Variants in ZNF236 observed in about 807,000 individuals in gnomAD.
ZNF236 encodes zinc finger protein 236.
In ZNF236, 50 loss-of-function variants were observed where a neutral mutation model predicts 191.2. That is an observed-to-expected ratio of 0.26 (90% CI 0.21 to 0.33). ZNF236 has a LOEUF of 0.33. ZNF236 is among the 10% of genes least tolerant of loss of function. The pLI is 1.00. For synonymous variants in ZNF236, 907 were observed against 928.8 expected (o/e 0.98, Z 0.43); for missense variants, 1,754 against 2,374.5 (o/e 0.74, Z 5.43).
Position 76,928,078 on chromosome 18 carries a change from T to C in ZNF236, c.4566T>C (p.Ser1522=), listed in dbSNP as rs1369111670. The change falls in exon 25 of 31, where the codon TCT becomes TCC. Residue 1522 remains serine (S), a synonymous_variant. Transcript: ENST00000320610. ...CCACTGCCACGTCTTCCTCGGGGTC[T>C]CCACAGGAAATTACCCTGACTATCT... The part of the protein sequence containing the change: ...AGPTATSSSG[S]PQEITLTISE... The C allele has an allele frequency of 6.2e-6, 10 of 1,611,604 alleles. No individual in the cohort carries two copies. In the East Asian group the frequency reaches 6.7e-5, roughly 11 times the overall value.
rs371314273 is a variant in ZNF236, at chr18:76,947,588, A to G, written c.4850A>G (p.Gln1617Arg). ...LSGQGGAGSP[Q>R]VILVSHTPQS... ...GGCCAGGGTGGAGCAGGCTCGCCGCAAGTCATACTAGTGAGCCACACGCCA... is the reference window on the plus strand; with the variant it reads ...GGCCAGGGTGGAGCAGGCTCGCCGCGAGTCATACTAGTGAGCCACACGCCA... The change falls in exon 27 of 31, where the codon CAA becomes CGA. Residue 1617 changes from glutamine to arginine, a missense_variant. Around this residue, in one of 5 missense-constraint regions of ZNF236, gnomAD observed 606 missense variants for 761.5 expected, o/e 0.80. Coordinates refer to ENST00000320610, the MANE Select transcript of ZNF236 (RefSeq NM_001306089.2). 4.3e-6 allele frequency: 7 copies of G among 1,613,950 alleles called. No individual in the cohort carries two copies. Among genetic ancestry groups the G allele is most frequent in the Admixed American group, 3.3e-5 (2 of 59,992 alleles).
chr18:76,930,375 A>G (rs779130732), intron 25 of ZNF236, among the ~76,000 whole-genome samples: 6 of 152,236 alleles, frequency 3.9e-5, no homozygotes, highest in Non-Finnish European at 7.3e-5. Context: ...TTTTGACAGC[A>G]GAATGTTTAA....
intron 26 of ZNF236, among the ~76,000 whole-genome samples, chr18:76,941,038 C>T (rs769604433): frequency 2.6e-5 from 4 of 152,120 alleles, no homozygotes; most frequent in Non-Finnish European, 4.4e-5. Flanking sequence ...AGTTTCATCC[C>T]GAAACCATCT....
rs959499968 is a variant in ZNF236, at chr18:76,935,645, T to C, written c.4595-1511T>C. On this transcript the variant is annotated intron_variant, in intron 25 of 30. Transcript: ENST00000320610. ...ATGCATCTCTTCCCCGTCTTCCCTC[T>C]GTGCAAGCTCATTGGCAGCTGCCAC... Among the ~76,000 whole-genome samples, 19 of 152,256 alleles carry C rather than the reference T, an allele frequency of 1.2e-4. 1 individual carries two copies. Among genetic ancestry groups the C allele is most frequent in the African/African-American group, 4.6e-4 (19 of 41,476 alleles).
chr18:76,864,463 G>A (rs1480323465), intron 3 of ZNF236, among the ~76,000 whole-genome samples: 2 of 152,012 alleles, frequency 1.3e-5, no homozygotes, highest in East Asian at 1.9e-4. Context: ...GCCTCCCAAA[G>A]TTCTGGGATT....
Position 76,913,698 on chromosome 18 carries a change from A to G in ZNF236, c.2910-49A>G, listed in dbSNP as rs1440638057. ...TCCCTTTTCAGGTGCTGTATTTGTA[A>G]TTGTGCTATGAATTAACGTGGTCTG... On this transcript the variant is annotated intron_variant, in intron 17 of 30. Transcript: ENST00000320610. 3 of 1,588,198 alleles carry G rather than the reference A, an allele frequency of 1.9e-6. No individual in the cohort carries two copies. In the African/African-American group the frequency reaches 4.0e-5, roughly 21 times the overall value.
At chr18:76,931,752 A>G (rs1379590933) in intron 25 of ZNF236, among the ~76,000 whole-genome samples, 1 of 152,250 alleles carries the variant, frequency 6.6e-6, no homozygotes, top group Non-Finnish European at 1.5e-5. Flanking sequence ...AAATGAGCTC[A>G]TGTAAGATAA....
At chr18:76,944,926 A>T (rs1035602471) in intron 26 of ZNF236, among the ~76,000 whole-genome samples, 13 of 152,220 alleles carry the variant, frequency 8.5e-5, no homozygotes, top group Admixed American at 2.6e-4. Context: ...AATAGTACAG[A>T]GAGATTCCAC....
At chr18:76,957,545 C>T (rs749450879) in intron 28 of ZNF236, among the ~76,000 whole-genome samples, 1 of 152,128 alleles carries the variant, frequency 6.6e-6, no homozygotes, top group African/African-American at 2.4e-5. Flanking sequence ...ACTTTAGGTT[C>T]GGAGGTGCAT....
At chr18:76,843,905 C>T (rs1975596660) in intron 1 of ZNF236, among the ~76,000 whole-genome samples, 1 of 148,494 alleles carries the variant, frequency 6.7e-6, no homozygotes, top group Non-Finnish European at 1.5e-5. Flanking sequence ...AGGCTGGGTG[C>T]AGTGGTTCAC....
chr18:76,948,858 G>A (rs1968336140), intron 27 of ZNF236, among the ~76,000 whole-genome samples: 1 of 152,192 alleles, frequency 6.6e-6, no homozygotes, highest in Non-Finnish European at 1.5e-5. Flanking sequence ...GTCCCCAGAT[G>A]AAACAAAAAC....
intron 1 of ZNF236, among the ~76,000 whole-genome samples, chr18:76,827,694 A>G (rs772594141): frequency 6.6e-6 from 1 of 152,230 alleles, no homozygotes; most frequent in Non-Finnish European, 1.5e-5. Context: ...AGGCCCACTG[A>G]AAGAATATTT....
chr18:76,881,591 C>G, intron 9 of ZNF236, 79 bp downstream of exon 9: 1 of 1,232,848 alleles, frequency 8.1e-7, no homozygotes, highest in Non-Finnish European at 1.1e-6. Flanking sequence ...CTTCTTTTTT[C>G]CTCTGAAGGT....
At chr18:76,946,092 C>T (rs1968253901) in intron 26 of ZNF236, among the ~76,000 whole-genome samples, 1 of 152,136 alleles carries the variant, frequency 6.6e-6, no homozygotes, top group Non-Finnish European at 1.5e-5. Flanking sequence ...TATAGTTTGG[C>T]CGTGTCCCCA....
chr18:76,912,190 A>G (rs1299476190), intron 16 of ZNF236, 54 bp from the exon 17 acceptor site: 6 of 1,368,320 alleles, frequency 4.4e-6, no homozygotes, highest in Admixed American at 1.8e-5. Flanking sequence ...CAGTTGTTTT[A>G]TGTTTATTCA....
chr18:76,940,332 A>G (rs1391277029), intron 26 of ZNF236, among the ~76,000 whole-genome samples: 3 of 54,942 alleles, frequency 5.5e-5, no homozygotes, highest in African/African-American at 1.2e-4. Context: ...CTACCCTAGC[A>G]TTGCGTTTGG....
At chr18:76,846,822 C>T (rs541633774) in intron 1 of ZNF236, among the ~76,000 whole-genome samples, 1 of 150,214 alleles carries the variant, frequency 6.7e-6, no homozygotes, top group African/African-American at 2.5e-5. Flanking sequence ...TGAGACGGAG[C>T]CTCCCTCTGT....
rs1263107570 is a variant in ZNF236 at position 76,927,972 on chromosome 18, C to T, written c.4460C>T (p.Ser1487Phe). Residue 1487 changes from serine to phenylalanine, a missense_variant, in exon 25 of 31, where the codon TCC becomes TTC. By Grantham distance (155) the Ser-to-Phe change is radical. Transcript: ENST00000320610. The surrounding 1 kb of genome is among the most constrained non-coding windows in gnomAD (Gnocchi z 5.4). The part of the protein sequence containing the change: ...TQVMTSQGLV[S>F]PSGGPHEITL... ...GTGATGACTTCGCAAGGTCTAGTGT[C>T]CCCCTCCGGCGGTCCCCACGAGATC... 5 of 1,613,350 alleles carry T rather than the reference C, an allele frequency of 3.1e-6. No individual in the cohort carries two copies. Among genetic ancestry groups the T allele is most frequent in the East Asian group, 2.2e-5 (1 of 44,812 alleles).
chr18:76,968,157 A>G, intron 30 of ZNF236, 58 bp from the exon 31 acceptor site: 6 of 1,596,326 alleles, frequency 3.8e-6, no homozygotes, highest in Non-Finnish European at 5.1e-6. Context: ...TTAAATAGGA[A>G]TCATTTTGTG....
Sources: gnomAD v4.1 joint callset for allele counts (sites outside exome capture counted in the v4.1 genomes callset) on GRCh38, gnomAD v4.1.1 for gene constraint, gnomAD v4.1.1 regional missense constraint, Gnocchi (gnomAD v3.1) non-coding constraint, MANE v1.5 for transcripts, NCBI Gene and HGNC (gene_info 2026-07-23, HGNC 2026-07-21) for gene names.